MITF: variants seen among roughly 807,000 people sequenced by gnomAD.
MITF encodes melanocyte inducing transcription factor.
In MITF, 17 loss-of-function variants were observed where a neutral mutation model predicts 60.5. The ratio of observed to expected loss-of-function variants is 0.28; its 90% CI spans 0.19 to 0.42. The LOEUF (loss-of-function observed/expected upper bound fraction) is 0.42. Among genes scored for constraint, MITF ranks in the 10% least tolerant of loss-of-function variants. MITF has a pLI of 1.00. For missense variants in MITF, 622 were observed against 683.5 expected, an observed-to-expected ratio of 0.91 and a Z score of 1.00; for synonymous variants, 260 against 248.5, an observed-to-expected ratio of 1.05 and a Z score of -0.43.
rs138648234 is a variant in MITF, at chr3:69,826,661, C to G, written c.105-52473C>G. ...CTTTATGTTCATGAGCCTGTCTCCTCATTGGCAATGGGCTTACTAATACCA... is the reference window on the plus strand; with the variant it reads ...CTTTATGTTCATGAGCCTGTCTCCTGATTGGCAATGGGCTTACTAATACCA... On this transcript the variant is annotated intron_variant, in intron 1 of 9. Coordinates refer to ENST00000352241, the MANE Select transcript of MITF (RefSeq NM_001354604.2). Among the ~76,000 whole-genome samples the G allele has an allele frequency of 1.6e-3, 247 of 152,240 alleles. 1 individual carries two copies. The highest frequency in any genetic ancestry group is 5.3e-3 in the African/African-American group (220 of 41,550).
At chr3:69,779,811 AC>A (rs1193628210) in intron 1 of MITF, among the ~76,000 whole-genome samples, 1 of 152,230 alleles carries the variant, frequency 6.6e-6, no homozygotes, top group Non-Finnish European at 1.5e-5. Context: ...CCCAGTAGTA[AC>A]ATTTAGTATA....
In MITF at chr3:69,925,975, T is replaced by C. The variant is rs137957085; in HGVS notation, c.355-11847T>C. ...TGTCTCTGCTTCCCCACCTTAAATA[T>C]GATTTTCATGCAATCAGGGCCTGTG... On this transcript the variant is annotated intron_variant, in intron 2 of 9. Coordinates refer to ENST00000352241, the MANE Select transcript of MITF (RefSeq NM_001354604.2). 3.8e-3 allele frequency among the ~76,000 whole-genome samples: 583 copies of C among 152,302 alleles called. 5 individuals carry two copies. Among genetic ancestry groups the C allele is most frequent in the African/African-American group, 0.013 (542 of 41,576 alleles).
In MITF at chr3:69,938,059, G is replaced by GTCTCC. The variant is rs759460006; in HGVS notation, c.582+22_582+26dup. 4.8e-5 allele frequency: 78 copies of GTCTCC among 1,609,720 alleles called. No homozygotes were observed. The highest frequency in any genetic ancestry group is 1.8e-4 in the East Asian group (8 of 44,796). On this transcript the variant is annotated intron_variant, in intron 3 of 9. Coordinates refer to ENST00000352241, the MANE Select transcript of MITF (RefSeq NM_001354604.2). ...CAACTGTGAAAAAGAGGTAATTCAT[G>GTCTCC]TCTCCTCTCCTCTCCTGTTTTCTTA...
chr3:69,819,010 T>G (rs2063224596), intron 1 of MITF, among the ~76,000 whole-genome samples: 1 of 152,174 alleles, frequency 6.6e-6, no homozygotes. Flanking sequence ...GTTCCTCAGT[T>G]CTATCTGATT....
At chr3:69,890,816 T>A (rs1380580484) in intron 2 of MITF, among the ~76,000 whole-genome samples, 1 of 152,204 alleles carries the variant, frequency 6.6e-6, no homozygotes, top group East Asian at 1.9e-4. Flanking sequence ...TCATTCCTAA[T>A]GCAAACAATG....
At chr3:69,784,944 GGA>G (rs2062623876) in intron 1 of MITF, among the ~76,000 whole-genome samples, 1 of 152,142 alleles carries the variant, frequency 6.6e-6, no homozygotes, top group Admixed American at 6.5e-5. Context: ...GTCCCATTCT[GGA>G]GAGACTGGCG....
At position 69,965,291 on chromosome 3, in the gene MITF, T is replaced by C; in HGVS notation, c.*43T>C. 6.2e-7 allele frequency: 1 copy of C among 1,602,552 alleles called. No individual in the cohort carries two copies. On this transcript the variant is annotated 3_prime_UTR_variant, in exon 10 of 10. Transcript: ENST00000352241. The stretch of plus-strand genomic sequence containing the variant: ...GCATTCGCACAAACTGCTTCCTTTC[T>C]TGATTCGTAGATTTAATAACTTACC...
At chr3:69,923,439 G>T (rs1055028102) in intron 2 of MITF, among the ~76,000 whole-genome samples, 2 of 152,060 alleles carry the variant, frequency 1.3e-5, no homozygotes, top group African/African-American at 4.8e-5. Flanking sequence ...CTGCCTCCCG[G>T]GTTCAATCAA....
intron 1 of MITF, chr3:69,762,791 T>A (rs1422170410): frequency 4.5e-6 from 1 of 223,962 alleles, no homozygotes; most frequent in African/African-American, 2.2e-5. Flanking sequence ...ATGTTAGAGG[T>A]ACATTGGTTT....
chr3:69,922,838 A>G (rs1164529427), intron 2 of MITF, among the ~76,000 whole-genome samples: 1 of 151,972 alleles, frequency 6.6e-6, no homozygotes, highest in Non-Finnish European at 1.5e-5. Flanking sequence ...TCTCACAAAG[A>G]AAGAAAGAAA....
chr3:69,915,186 G>C (rs1319584155), intron 2 of MITF, among the ~76,000 whole-genome samples: 6 of 152,144 alleles, frequency 3.9e-5, no homozygotes, highest in Non-Finnish European at 8.8e-5. Flanking sequence ...AAGCTCAGTA[G>C]AGATACTACC....
At chr3:69,907,767 C>T (rs1246377824) in intron 2 of MITF, among the ~76,000 whole-genome samples, 1 of 152,138 alleles carries the variant, frequency 6.6e-6, no homozygotes, top group Non-Finnish European at 1.5e-5. Flanking sequence ...GTCACCTCTT[C>T]ACGGACATTT....
chr3:69,958,697 T>G (rs954625167), intron 8 of MITF, among the ~76,000 whole-genome samples: 5 of 152,208 alleles, frequency 3.3e-5, no homozygotes, highest in African/African-American at 1.2e-4. Context: ...TAGAAACCTA[T>G]AACTCTTTAA....
chr3:69,771,724 C>G (rs962116040), intron 1 of MITF, among the ~76,000 whole-genome samples: 6 of 152,040 alleles, frequency 3.9e-5, no homozygotes, highest in African/African-American at 1.4e-4. Context: ...GAAATTAATG[C>G]CATTTAAAAA....
intron 1 of MITF, among the ~76,000 whole-genome samples, chr3:69,771,870 A>G (rs1209874102): frequency 6.6e-6 from 1 of 152,194 alleles, no homozygotes; most frequent in East Asian, 1.9e-4. Flanking sequence ...TGCATGCTTG[A>G]TGCATGAGAG....
intron 1 of MITF, among the ~76,000 whole-genome samples, chr3:69,769,250 G>A (rs1440070453): frequency 2.0e-5 from 3 of 151,916 alleles, no homozygotes; most frequent in Admixed American, 6.6e-5. Flanking sequence ...TAATAATTAT[G>A]GTCCCTACCT....
At chr3:69,954,064 A>T (rs2066336432) in intron 7 of MITF, among the ~76,000 whole-genome samples, 1 of 152,038 alleles carries the variant, frequency 6.6e-6, no homozygotes, top group Non-Finnish European at 1.5e-5. Context: ...ATTTTTTGAA[A>T]TTTTTTACTA....
chr3:69,765,928 G>A (rs919376620), intron 1 of MITF, among the ~76,000 whole-genome samples: 1 of 152,184 alleles, frequency 6.6e-6, no homozygotes, highest in African/African-American at 2.4e-5. Context: ...TCATTGTGGA[G>A]CTTTTGGTTA....
At chr3:69,867,862 A>G (rs1254394341) in intron 1 of MITF, among the ~76,000 whole-genome samples, 1 of 152,226 alleles carries the variant, frequency 6.6e-6, no homozygotes, top group Non-Finnish European at 1.5e-5. Flanking sequence ...TCGTAAGAGC[A>G]TGCTTCCCTT....
Sources: gnomAD v4.1 joint callset for allele counts (sites outside exome capture counted in the v4.1 genomes callset) on GRCh38, gnomAD v4.1.1 for gene constraint, MANE v1.5 for transcripts, NCBI Gene and HGNC (gene_info 2026-07-23, HGNC 2026-07-21) for gene names.